SLC9B2: variants seen among roughly 807,000 people sequenced by gnomAD.
SLC9B2 encodes sodium/hydrogen exchanger 9B2.
A neutral mutation model predicts 52.2 loss-of-function variants in SLC9B2; 39 were observed. The ratio of observed to expected loss-of-function variants is 0.75; its 90% CI spans 0.58 to 0.98. The LOEUF is 0.98. SLC9B2 is among the 50% of genes least tolerant of loss of function. SLC9B2 has a pLI of 0.00. For missense variants in SLC9B2, 626 were observed against 637.5 expected, an observed-to-expected ratio of 0.98 and a Z score of 0.19; for synonymous variants, 214 against 227.0, an observed-to-expected ratio of 0.94 and a Z score of 0.51.
intron 3 of SLC9B2, among the ~76,000 whole-genome samples, chr4:103,058,202 T>G (rs1383292460): frequency 6.6e-6 from 1 of 152,196 alleles, no homozygotes; most frequent in East Asian, 1.9e-4. Context: ...TCCCCATCCA[T>G]CTCCCTTTAT....
intron 9 of SLC9B2, among the ~76,000 whole-genome samples, chr4:103,032,909 C>T (rs1414514059): frequency 6.6e-6 from 1 of 152,156 alleles, no homozygotes; most frequent in Non-Finnish European, 1.5e-5. Flanking sequence ...GTGGAGGGTA[C>T]AGGCTTAAGG....
Position 103,024,530 on chromosome 4 carries a change from C to T in SLC9B2, c.*1840G>A, listed in dbSNP as rs377337525. Among the ~76,000 whole-genome samples, 8 of 152,064 alleles carry T rather than the reference C, an allele frequency of 5.3e-5. No homozygotes were observed. Among genetic ancestry groups the T allele is most frequent in the East Asian group, 1.9e-4 (1 of 5,188 alleles). On this transcript the variant is annotated 3_prime_UTR_variant, in exon 12 of 12. Transcript: ENST00000394785. ...GGTGAAAGCCATGGTGGATAGGGCT[C>T]GAACAGAAGTCTAATGAAGAGAGGA...
In SLC9B2 at chr4:103,025,120, T is replaced by C. The variant is rs554261453; in HGVS notation, c.*1250A>G. Among the ~76,000 whole-genome samples the C allele has an allele frequency of 6.6e-6, 1 of 152,288 alleles. No individual in the cohort carries two copies. The highest frequency in any genetic ancestry group is 1.9e-4 in the East Asian group (1 of 5,184). On this transcript the variant is annotated 3_prime_UTR_variant, in exon 12 of 12. Transcript: ENST00000394785. ...AACACTTAGCTGCCTCACAGCCGGATATGATCAATACCAATAAATGTAGGA... is the reference window on the plus strand; with the variant it reads ...AACACTTAGCTGCCTCACAGCCGGACATGATCAATACCAATAAATGTAGGA...
chr4:103,034,499 A>C (rs1033894567), intron 9 of SLC9B2, among the ~76,000 whole-genome samples: 2 of 152,240 alleles, frequency 1.3e-5, no homozygotes, highest in Non-Finnish European at 1.5e-5. Context: ...AGATACTATC[A>C]ATGGAGTAAA....
chr4:103,047,649 G>GT (rs902153833), intron 6 of SLC9B2, among the ~76,000 whole-genome samples: 8 of 149,790 alleles, frequency 5.3e-5, no homozygotes, highest in Non-Finnish European at 5.9e-5. Context: ...GTGGTGTTTG[G>GT]TTTTTTGTCC....
chr4:103,044,333 C>T (rs1344818882), intron 8 of SLC9B2, among the ~76,000 whole-genome samples: 1 of 152,168 alleles, frequency 6.6e-6, no homozygotes, highest in Admixed American at 6.5e-5. Flanking sequence ...TGTTCTGTAT[C>T]TGCTATAGCC....
At chr4:103,039,072 T>A (rs1560544814) in intron 9 of SLC9B2, among the ~76,000 whole-genome samples, 1 of 152,216 alleles carries the variant, frequency 6.6e-6, no homozygotes, top group Admixed American at 6.5e-5. Context: ...GTTACAGCAA[T>A]TTTTTAGATG....
rs536205438 is a variant in SLC9B2, at chr4:103,025,094, C to A, written c.*1276G>T. 1.3e-5 allele frequency among the ~76,000 whole-genome samples: 2 copies of A among 152,272 alleles called. No homozygotes were observed. The highest frequency in any genetic ancestry group is 1.9e-4 in the East Asian group (1 of 5,188). On this transcript the variant is annotated 3_prime_UTR_variant, in exon 12 of 12. Coordinates refer to ENST00000394785, the MANE Select transcript of SLC9B2 (RefSeq NM_178833.7). The stretch of plus-strand genomic sequence containing the variant: ...AGGAGTGTGAATGCTTAGCTAGAGA[C>A]AACACTTAGCTGCCTCACAGCCGGA...
chr4:103,020,645 T>G (rs377273018), downstream of SLC9B2, among the ~76,000 whole-genome samples: 2 of 152,192 alleles, frequency 1.3e-5, no homozygotes, highest in East Asian at 1.9e-4. Context: ...TTATTGGTTT[T>G]GTTGACGTTG....
chr4:103,044,071 T>C (rs1743883764), intron 8 of SLC9B2, among the ~76,000 whole-genome samples: 1 of 152,150 alleles, frequency 6.6e-6, no homozygotes, highest in Non-Finnish European at 1.5e-5. Context: ...AACTTCTTGA[T>C]CACTTTAGAA....
At chr4:103,051,817 C>T (rs907196327) in intron 4 of SLC9B2, among the ~76,000 whole-genome samples, 4 of 152,288 alleles carry the variant, frequency 2.6e-5, no homozygotes, top group South Asian at 2.1e-4. Context: ...CACTGCTGTA[C>T]GGCTTGGGTT....
intron 4 of SLC9B2, among the ~76,000 whole-genome samples, chr4:103,051,283 A>C (rs1744664356): frequency 6.6e-6 from 1 of 152,184 alleles, no homozygotes; most frequent in South Asian, 2.1e-4. Flanking sequence ...CACAAAGGGA[A>C]AGGTTTCTGT....
At chr4:103,022,064 T>C (rs1741831089), downstream of SLC9B2, among the ~76,000 whole-genome samples, 1 of 152,258 alleles carries the variant, frequency 6.6e-6, no homozygotes, top group Admixed American at 6.5e-5. Flanking sequence ...GCAAGTATCA[T>C]GTCTTATTCA....
intron 3 of SLC9B2, among the ~76,000 whole-genome samples, chr4:103,064,399 G>C (rs368856002): frequency 3.9e-5 from 6 of 152,184 alleles, no homozygotes; most frequent in African/African-American, 1.2e-4. Flanking sequence ...CAGGCACAGA[G>C]AGACAAATAC....
At position 103,028,773 on chromosome 4, in the gene SLC9B2, C is replaced by CA; in HGVS notation, c.1365dup (p.Ala456CysfsTer66). 6.2e-7 allele frequency: 1 copy of CA among 1,607,688 alleles called. No homozygotes were observed. Among genetic ancestry groups the CA allele is most frequent in the Non-Finnish European group, 8.5e-7 (1 of 1,177,964 alleles). On this transcript the variant is annotated frameshift_variant, in exon 11 of 12. Transcript: ENST00000394785. Reference sequence around the variant, plus strand: ...TGAACTGTGGCCTTTGGAAGCCATGCAAAAGAAATAAATATCTTTTCTTTT... The same window carrying CA: ...TGAACTGTGGCCTTTGGAAGCCATGCAAAAAGAAATAAATATCTTTTCTTTT...
chr4:103,067,677 T>C (rs1746267803), intron 1 of SLC9B2, 85 bp from the exon 2 acceptor site: 1 of 744,970 alleles, frequency 1.3e-6, no homozygotes, highest in Non-Finnish European at 2.3e-6. Flanking sequence ...TTTTTTTCCC[T>C]AAAAATTCCG....
chr4:103,062,450 A>G (rs1745745396), intron 3 of SLC9B2, among the ~76,000 whole-genome samples: 1 of 151,906 alleles, frequency 6.6e-6, no homozygotes, highest in African/African-American at 2.4e-5. Context: ...TTTCTACTTC[A>G]AGACTATTAA....
In SLC9B2 at chr4:103,026,158, G is replaced by C. The variant is rs963747100; in HGVS notation, c.*212C>G. 2.1e-6 allele frequency: 1 copy of C among 476,070 alleles called. No homozygotes were observed. Among genetic ancestry groups the C allele is most frequent in the Non-Finnish European group, 3.7e-6 (1 of 268,532 alleles). The allele number at this position is 476,070 out of a possible 1,614,324, so 29.5% of individuals were successfully genotyped here. A position where few individuals can be genotyped will look rare whatever the true frequency, so the allele number is the denominator to read the frequency against. ...GCAAATTAAGATGGATGATGAAGGG[G>C]TGTTTGAAAAAAAAGGCAGAGAGAT... is the stretch of plus-strand genomic sequence containing the variant. On this transcript the variant is annotated 3_prime_UTR_variant, in exon 12 of 12. Transcript: ENST00000394785.
In SLC9B2 at chr4:103,047,143, C is replaced by A. The variant is rs547282763; in HGVS notation, c.797G>T (p.Gly266Val). 81 of 1,613,852 alleles carry A rather than the reference C, an allele frequency of 5.0e-5. No homozygotes were observed. The highest frequency in any genetic ancestry group is 6.4e-5 in the Non-Finnish European group (76 of 1,179,942). Residue 266 changes from glycine (G) to valine (V), a missense_variant, in exon 7 of 12, where the codon GGT (glycine) becomes GTT (valine). Transcript: ENST00000394785. ...AGCTGCCATGAGCAAGGTTGGGACA[C>A]CCTTCTCAACACCATAGCCTCCTCC... Reference protein sequence around the residue: ...LQGGGYGVEKGVPTLLMAAGS... With the variant: ...LQGGGYGVEKVVPTLLMAAGS...
Sources: allele counts gnomAD v4.1 joint callset (sites outside exome capture counted in the v4.1 genomes callset), GRCh38; gene constraint gnomAD v4.1.1; transcripts MANE v1.5; gene names NCBI Gene and HGNC (gene_info 2026-07-23, HGNC 2026-07-21).